The following UGT1A10 variants were observed in gnomAD, a reference collection of about 807,000 sequenced individuals.
UGT1A10 encodes the protein UDP-glucuronosyltransferase 1A10.
Under a neutral mutation model 45.8 loss-of-function variants are expected in UGT1A10, and 49 were observed. That is an observed-to-expected ratio of 1.07 (90% CI 0.85 to 1.36). The LOEUF (loss-of-function observed/expected upper bound fraction) is 1.36, where lower values mean the gene tolerates loss of function less well. Ranked by LOEUF, UGT1A10 falls within the 40% of genes most tolerant of loss-of-function variation. UGT1A10 has a pLI of 0.00. For missense variants in UGT1A10, 745 were observed against 668.6 expected, an observed-to-expected ratio of 1.11 and a Z score of -1.26; for synonymous variants, 284 against 249.7, an observed-to-expected ratio of 1.14 and a Z score of -1.29.
intron 1 of UGT1A10, chr2:233,682,363 T>C: frequency 6.2e-7 from 1 of 1,614,138 alleles, no homozygotes; most frequent in Non-Finnish European, 8.5e-7. Flanking sequence ...AGAGTTGTTT[T>C]GATGCAGTGT....
At chr2:233,698,700 T>A (rs2075456458) in intron 1 of UGT1A10, among the ~76,000 whole-genome samples, 1 of 152,188 alleles carries the variant, frequency 6.6e-6, no homozygotes, top group Non-Finnish European at 1.5e-5. Context: ...CTAAAAAAAA[T>A]GTGCAAAGCC....
chr2:233,682,780 G>A (rs1395260675), intron 1 of UGT1A10: 3 of 1,612,672 alleles, frequency 1.9e-6, no homozygotes, highest in Non-Finnish European at 1.7e-6. Flanking sequence ...ATCAGGGAAA[G>A]CCAGTGCCTA....
intron 1 of UGT1A10, among the ~76,000 whole-genome samples, chr2:233,718,526 C>T (rs942579588): frequency 5.3e-5 from 8 of 152,144 alleles, no homozygotes; most frequent in Non-Finnish European, 1.2e-4. Flanking sequence ...GTGTCCACAG[C>T]CTTGTGTTGG....
At chr2:233,644,441 GC>G (rs2125467697) in intron 1 of UGT1A10, among the ~76,000 whole-genome samples, 1 of 152,262 alleles carries the variant, frequency 6.6e-6, no homozygotes, top group South Asian at 2.1e-4. Flanking sequence ...GGTGGTGCAT[GC>G]CGGTAATCCC....
At chr2:233,736,365 T>C (rs969556096) in intron 1 of UGT1A10, among the ~76,000 whole-genome samples, 1 of 152,210 alleles carries the variant, frequency 6.6e-6, no homozygotes, top group Non-Finnish European at 1.5e-5. Context: ...CTCCATCAGG[T>C]CATTTAAGGT....
chr2:233,729,418 C>CG, intron 1 of UGT1A10: 1 of 1,613,756 alleles, frequency 6.2e-7, no homozygotes, highest in South Asian at 1.1e-5. Flanking sequence ...GGGCCACACT[C>CG]AACTGTACTT....
intron 1 of UGT1A10, chr2:233,742,007 T>G (rs1248075328): frequency 3.3e-5 from 5 of 151,958 alleles, no homozygotes; most frequent in Admixed American, 3.3e-4. Flanking sequence ...TACACTTGGC[T>G]TTCATCAACC....
intron 1 of UGT1A10, chr2:233,721,756 A>G (rs2076969655): frequency 2.2e-6 from 1 of 460,672 alleles, no homozygotes. Flanking sequence ...ATCTACATCT[A>G]AATTGTTATA....
chr2:233,771,572 T>G (rs1700331696), intron 4 of UGT1A10: 1 of 152,318 alleles, frequency 6.6e-6, no homozygotes, highest in Admixed American at 6.5e-5. Context: ...CAGAGGTGGT[T>G]GTTTACAACT....
At chr2:233,754,319 C>A in intron 1 of UGT1A10, 1 of 236,458 alleles carries the variant, frequency 4.2e-6, no homozygotes, top group Non-Finnish European at 8.4e-6. Flanking sequence ...CATTGTCTGC[C>A]TCAGGCTTAA....
At chr2:233,736,503 C>T (rs924355972) in intron 1 of UGT1A10, among the ~76,000 whole-genome samples, 2 of 152,196 alleles carry the variant, frequency 1.3e-5, no homozygotes, top group African/African-American at 2.4e-5. Context: ...CTTCTGAAGC[C>T]TACTTCTGTC....
chr2:233,719,060 T>A (rs2076720439), intron 1 of UGT1A10: 2 of 1,614,258 alleles, frequency 1.2e-6, no homozygotes, highest in Middle Eastern at 1.6e-4. Flanking sequence ...TGACAGCCTA[T>A]GCTGTTCCAT....
intron 1 of UGT1A10, chr2:233,760,983 C>A: frequency 6.2e-7 from 1 of 1,614,178 alleles, no homozygotes; most frequent in Non-Finnish European, 8.5e-7. Context: ...CGTATGCAAC[C>A]CTTGCCTCAG....
chr2:233,714,426 AAC>A (rs1430757538), intron 1 of UGT1A10, among the ~76,000 whole-genome samples: 5 of 152,176 alleles, frequency 3.3e-5, no homozygotes, highest in Non-Finnish European at 5.9e-5. Flanking sequence ...CAGAGAATGA[AAC>A]ACAGAGTTCA....
At chr2:233,677,303 C>T (rs961427723) in intron 1 of UGT1A10, among the ~76,000 whole-genome samples, 27 of 152,184 alleles carry the variant, frequency 1.8e-4, no homozygotes, top group African/African-American at 5.1e-4. Flanking sequence ...TATTTTTAAT[C>T]CAGTTTTCAA....
chr2:233,725,192 AGAGGCAGAGGCAGAGGCAGAGGCAGAG>A (rs1559370258), intron 1 of UGT1A10, among the ~76,000 whole-genome samples: 1 of 85,390 alleles, frequency 1.2e-5, no homozygotes, highest in Admixed American at 1.0e-4. Flanking sequence ...AGGCAGAGGC[AGAGGCAGAGGCAGAGGCAGAGGCAGAG>A]GAGGCAGAGG....
intron 1 of UGT1A10, chr2:233,747,968 A>G: frequency 6.2e-7 from 1 of 1,613,402 alleles, no homozygotes; most frequent in African/African-American, 1.3e-5. Context: ...TCAGCCATGC[A>G]TCTGTGTGGC....
intron 1 of UGT1A10, among the ~76,000 whole-genome samples, chr2:233,681,538 A>G (rs992971730): frequency 1.4e-3 from 211 of 150,806 alleles, no homozygotes; most frequent in Non-Finnish European, 2.3e-3. Context: ...CTCAAAAAAA[A>G]AAAAAAAAAA....
intron 1 of UGT1A10, among the ~76,000 whole-genome samples, chr2:233,733,461 T>C (rs1181074493): frequency 2.0e-5 from 3 of 152,224 alleles, no homozygotes. Flanking sequence ...TAAATAGCTC[T>C]TATTATTTTG....
Sources: allele counts gnomAD v4.1 joint callset (sites outside exome capture counted in the v4.1 genomes callset), GRCh38; gene constraint gnomAD v4.1.1; transcripts MANE v1.5; gene names NCBI Gene and HGNC (gene_info 2026-07-23, HGNC 2026-07-21).